NRG1: variants seen among roughly 807,000 people sequenced by gnomAD.
NRG1 encodes the protein pro-neuregulin-1, membrane-bound isoform.
A neutral mutation model predicts 63.8 loss-of-function variants in NRG1; 18 were observed. The ratio of observed to expected loss-of-function variants is 0.28; its 90% CI spans 0.19 to 0.42. The LOEUF (loss-of-function observed/expected upper bound fraction) is 0.42. Ranked by LOEUF, NRG1 falls within the 10% of genes least tolerant of loss-of-function variation. NRG1 has a pLI of 1.00. For missense variants in NRG1, 762 were observed against 814.7 expected, an observed-to-expected ratio of 0.94 and a Z score of 0.79; for synonymous variants, 302 against 301.3, an observed-to-expected ratio of 1.00 and a Z score of -0.02.
At chr8:32,559,668 T>C (rs1324696821) in intron 1 of NRG1, among the ~76,000 whole-genome samples, 3 of 152,224 alleles carry the variant, frequency 2.0e-5, no homozygotes, top group Non-Finnish European at 2.9e-5. Context: ...GTTTTCTTTT[T>C]AAAGAATTAC....
chr8:32,732,078 C>G (rs1389385489), intron 6 of NRG1, among the ~76,000 whole-genome samples: 2 of 152,224 alleles, frequency 1.3e-5, no homozygotes, highest in African/African-American at 4.8e-5. Context: ...CAGTGAAAAA[C>G]TTCTCTGAGG....
intron 1 of NRG1, among the ~76,000 whole-genome samples, chr8:31,963,986 A>T (rs1563624494): frequency 6.6e-6 from 1 of 152,082 alleles, no homozygotes; most frequent in Non-Finnish European, 1.5e-5. Context: ...GGTTTTTCAA[A>T]CCTACATATT....
intron 1 of NRG1, among the ~76,000 whole-genome samples, chr8:32,292,564 C>T (rs1023393054): frequency 1.3e-5 from 2 of 152,168 alleles, no homozygotes; most frequent in African/African-American, 2.4e-5. Context: ...TCTTATTTTT[C>T]TCTCTTGCTC....
chr8:31,721,897 C>G (rs1010889875), intron 1 of NRG1, among the ~76,000 whole-genome samples: 1 of 152,140 alleles, frequency 6.6e-6, no homozygotes, highest in African/African-American at 2.4e-5. Flanking sequence ...CATAATCCCT[C>G]TCACCAGAAT....
chr8:32,416,276 C>T (rs1282792559), intron 1 of NRG1, among the ~76,000 whole-genome samples: 1 of 151,888 alleles, frequency 6.6e-6, no homozygotes, highest in Admixed American at 6.6e-5. Context: ...TGTCCCCTTC[C>T]TTCCTTCCCC....
intron 5 of NRG1, among the ~76,000 whole-genome samples, chr8:32,663,941 A>G (rs1421347300): frequency 6.6e-6 from 1 of 152,192 alleles, no homozygotes; most frequent in African/African-American, 2.4e-5. Context: ...TGTGGTCATC[A>G]TTAAACTTTC....
chr8:32,207,926 AAAATCACATTTATTCACCCACACAATAC>A (rs1404408884), intron 1 of NRG1, among the ~76,000 whole-genome samples: 1 of 152,206 alleles, frequency 6.6e-6, no homozygotes, highest in Non-Finnish European at 1.5e-5. Flanking sequence ...CTTTTGATGG[AAAATCACATTTATTCACCCACACAATAC>A]CATCCTTGGG....
At chr8:31,832,114 T>A (rs57133232) in intron 1 of NRG1, among the ~76,000 whole-genome samples, 23,424 of 152,166 alleles carry the variant, frequency 0.15, 2,096 homozygotes, top group Non-Finnish European at 0.19. Flanking sequence ...AAGGAATGCA[T>A]TGTGGATTCT....
chr8:32,410,171 C>A (rs972012293), intron 1 of NRG1, among the ~76,000 whole-genome samples: 1 of 127,962 alleles, frequency 7.8e-6, no homozygotes, highest in African/African-American at 2.9e-5. Context: ...GGATCTTTTT[C>A]TTTCCTTTTT....
intron 1 of NRG1, among the ~76,000 whole-genome samples, chr8:32,356,854 G>A (rs981052803): frequency 8.6e-5 from 13 of 151,922 alleles, no homozygotes; most frequent in African/African-American, 1.2e-4. Flanking sequence ...AACCTTCACA[G>A]AAGCACACTC....
At chr8:32,117,153 A>G (rs532640399) in intron 1 of NRG1, among the ~76,000 whole-genome samples, 1 of 152,052 alleles carries the variant, frequency 6.6e-6, no homozygotes, top group Non-Finnish European at 1.5e-5. Context: ...AAAGACACAC[A>G]AACAAAAAAA....
intron 1 of NRG1, among the ~76,000 whole-genome samples, chr8:31,677,458 AT>A (rs1445850859): frequency 6.6e-6 from 1 of 151,986 alleles, no homozygotes; most frequent in Non-Finnish European, 1.5e-5. Flanking sequence ...CTCCTATAAC[AT>A]TTTTCTAACT....
chr8:31,656,817 T>C (rs1357260770), intron 1 of NRG1, among the ~76,000 whole-genome samples: 1 of 152,212 alleles, frequency 6.6e-6, no homozygotes, highest in Non-Finnish European at 1.5e-5. Context: ...CTACCATTCA[T>C]AGCTGGTACC....
intron 11 of NRG1, chr8:32,763,507 G>C: frequency 9.2e-7 from 1 of 1,081,924 alleles, no homozygotes; most frequent in Admixed American, 2.7e-5. Context: ...AATCCCAAAA[G>C]CTTTGATGAG....
intron 1 of NRG1, among the ~76,000 whole-genome samples, chr8:32,459,833 T>C (rs1822095569): frequency 6.6e-6 from 1 of 152,206 alleles, no homozygotes; most frequent in Admixed American, 6.5e-5. Flanking sequence ...GCAATTGCTA[T>C]TTTCTATGGC....
intron 1 of NRG1, among the ~76,000 whole-genome samples, chr8:32,271,862 C>T (rs1281299975): frequency 6.6e-6 from 1 of 152,130 alleles, no homozygotes; most frequent in Non-Finnish European, 1.5e-5. Flanking sequence ...CTGAATGCAT[C>T]TTCAATACAG....
rs533367773 is a variant in NRG1, at chr8:32,030,672, C to T, written c.37+391241C>T. Among the ~76,000 whole-genome samples the T allele has an allele frequency of 2.0e-5, 3 of 152,182 alleles. No individual in the cohort carries two copies. In the South Asian group the frequency reaches 6.2e-4, roughly 32 times the overall value. ...TGCAGAATTATTCTTGTCCCTTTGC[C>T]TCTGCTTAATCCCCTTCACAAAGTC... On this transcript the variant is annotated intron_variant, in intron 1 of 10. Transcript: ENST00000519301.
At chr8:32,446,518 G>A (rs1820264162) in intron 1 of NRG1, among the ~76,000 whole-genome samples, 3 of 152,092 alleles carry the variant, frequency 2.0e-5, no homozygotes, top group African/African-American at 7.2e-5. Context: ...AGCTGGGCGT[G>A]GTGGTACATG....
chr8:32,465,197 C>G (rs1239654316), intron 1 of NRG1, among the ~76,000 whole-genome samples: 4 of 152,024 alleles, frequency 2.6e-5, no homozygotes, highest in Non-Finnish European at 5.9e-5. Flanking sequence ...AAGCACAAAC[C>G]AATAATAGAA....
Sources: gnomAD v4.1 joint callset for allele counts (sites outside exome capture counted in the v4.1 genomes callset) on GRCh38, gnomAD v4.1.1 for gene constraint, MANE v1.5 for transcripts, NCBI Gene and HGNC (gene_info 2026-07-23, HGNC 2026-07-21) for gene names.